SIPA1L2: variants seen among roughly 807,000 people sequenced by gnomAD.
SIPA1L2 encodes the protein signal-induced proliferation-associated 1-like protein 2.
SIPA1L2 carries 56 observed loss-of-function variants against 163.9 expected under a neutral mutation model. The ratio of observed to expected loss-of-function variants is 0.34; its 90% CI spans 0.28 to 0.43. The LOEUF is 0.43. SIPA1L2 is among the 20% of genes least tolerant of loss of function. SIPA1L2 has a pLI of 1.00. For synonymous variants in SIPA1L2, 877 were observed against 865.7 expected (o/e 1.01, Z -0.23); for missense variants, 1,974 against 2,193.5 (o/e 0.90, Z 2.00).
chr1:232,487,919 TACACACAC>T lies in SIPA1L2; in HGVS notation c.1806+2947_1806+2954del, dbSNP rs5781699. ...AAACTAACAATATATGTAATTAGGT[TACACACAC>T]ACACACACACACACACACACACACA... On this transcript the variant is annotated intron_variant, in intron 5 of 22. Transcript: ENST00000674635. Among the ~76,000 whole-genome samples the T allele has an allele frequency of 0.043, 6,132 of 144,270 alleles. 849 individuals carry two copies. In the East Asian group the frequency reaches 0.55, roughly 13 times the overall value. The allele number at this position is 144,270 out of a possible 152,430, so 94.6% of individuals were successfully genotyped here.
At position 232,408,529 on chromosome 1, in the gene SIPA1L2, G is replaced by A. The variant is rs548261922; in HGVS notation, c.4763-4351C>T. ...CTTTATAATCTTTATAATGATACCA[G>A]CTGTGAGTATTCTTCATAGCTTCCT... On this transcript the variant is annotated intron_variant, in intron 19 of 22. Transcript: ENST00000674635. Among the ~76,000 whole-genome samples the A allele has an allele frequency of 9.2e-5, 14 of 152,224 alleles. 1 individual carries two copies. The East Asian group carries it at 2.7e-3, about 29-fold the overall frequency.
chr1:232,547,326 T>C (rs1179929649), intron 2 of SIPA1L2, among the ~76,000 whole-genome samples: 1 of 151,798 alleles, frequency 6.6e-6, no homozygotes, highest in Non-Finnish European at 1.5e-5. Context: ...CCCCAAATCA[T>C]GTCTGAGTGA....
chr1:232,577,680 G>C (rs993226519), intron 1 of SIPA1L2, among the ~76,000 whole-genome samples: 2 of 152,182 alleles, frequency 1.3e-5, no homozygotes, highest in East Asian at 1.9e-4. Context: ...CTTTGGGGTG[G>C]GGGCTTAACA....
chr1:232,429,744 A>C (rs1558169094), intron 16 of SIPA1L2, among the ~76,000 whole-genome samples: 1 of 152,238 alleles, frequency 6.6e-6, no homozygotes, highest in Non-Finnish European at 1.5e-5. Flanking sequence ...CACAAAAGCC[A>C]CATAAGGAAA....
At chr1:232,413,561 A>AT (rs1300673335) in intron 19 of SIPA1L2, among the ~76,000 whole-genome samples, 3 of 152,216 alleles carry the variant, frequency 2.0e-5, no homozygotes, top group Non-Finnish European at 4.4e-5. Context: ...GCAAAAGGAT[A>AT]TAAGAGGTTG....
At chr1:232,626,230 C>CT (rs56703620) in intron 1 of SIPA1L2, among the ~76,000 whole-genome samples, 29,128 of 133,672 alleles carry the variant, frequency 0.22, 3,441 homozygotes, top group South Asian at 0.32. Flanking sequence ...CTAATATTTG[C>CT]TTTTTTTTTT....
intron 3 of SIPA1L2, among the ~76,000 whole-genome samples, chr1:232,503,851 G>A (rs979103213): frequency 6.6e-6 from 1 of 151,302 alleles, no homozygotes; most frequent in East Asian, 1.9e-4. Context: ...CCCTTTTTTC[G>A]AACACTCTAG....
chr1:232,597,558 C>T (rs894663645), intron 1 of SIPA1L2, among the ~76,000 whole-genome samples: 7 of 150,526 alleles, frequency 4.7e-5, no homozygotes, highest in African/African-American at 9.8e-5. Flanking sequence ...GGCGTGATGG[C>T]GGGCGTCTGT....
intron 6 of SIPA1L2, among the ~76,000 whole-genome samples, chr1:232,480,724 T>C (rs1665304334): frequency 6.6e-6 from 1 of 152,100 alleles, no homozygotes; most frequent in South Asian, 2.1e-4. Context: ...TTTCTCTACT[T>C]TTTAAGCAAC....
At chr1:232,528,245 CT>C (rs1667815552) in intron 2 of SIPA1L2, among the ~76,000 whole-genome samples, 1 of 151,732 alleles carries the variant, frequency 6.6e-6, no homozygotes, top group Non-Finnish European at 1.5e-5. Context: ...CATAAAAAAT[CT>C]CCGAAGAGAC....
chr1:232,494,511 G>A (rs991357787), intron 3 of SIPA1L2, among the ~76,000 whole-genome samples: 2 of 152,152 alleles, frequency 1.3e-5, no homozygotes, highest in South Asian at 2.1e-4. Context: ...GAAAATAGCC[G>A]CTACTTATGA....
chr1:232,594,251 C>T (rs11808073), intron 1 of SIPA1L2, among the ~76,000 whole-genome samples: 4,259 of 152,186 alleles, frequency 0.028, 191 homozygotes, highest in African/African-American at 0.096. Flanking sequence ...CAAAGGAGAG[C>T]GTTGCCACCA....
intron 2 of SIPA1L2, among the ~76,000 whole-genome samples, chr1:232,565,016 T>C (rs550855522): frequency 3.3e-5 from 5 of 152,286 alleles, no homozygotes; most frequent in African/African-American, 1.2e-4. Context: ...TGTATACCTA[T>C]GTAATAAACC....
chr1:232,514,178 T>G lies in SIPA1L2; in HGVS notation c.1162A>C (p.Asn388His), dbSNP rs1170616198. The G allele has an allele frequency of 1.2e-6, 2 of 1,614,116 alleles. No individual in the cohort carries two copies. Among genetic ancestry groups the G allele is most frequent in the African/African-American group, 2.7e-5 (2 of 74,952 alleles). The stretch of plus-strand genomic sequence containing the variant: ...TCGGCATCCAGGTTCTCTTTGGAGT[T>G]GAGGTCCTCCTTGCTCCCTAAAGGG... ...ESPLGSKEDL[N>H]SKENLDADEG... Residue 388 changes from asparagine (N) to histidine (H), a missense_variant, in exon 3 of 23, where the codon AAC becomes CAC. By Grantham distance (68) the Asn-to-His change is moderately conservative (BLOSUM62 1). This residue lies in a region of SIPA1L2 where 607 missense variants were observed against 624.0 expected (regional missense o/e 0.97). Transcript: ENST00000674635.
At chr1:232,543,158 T>C (rs550545482) in intron 2 of SIPA1L2, among the ~76,000 whole-genome samples, 21 of 152,356 alleles carry the variant, frequency 1.4e-4, no homozygotes, top group African/African-American at 4.3e-4. Context: ...GTAAATCGAA[T>C]GAAGAGACGC....
chr1:232,603,968 G>T (rs1661751079), intron 1 of SIPA1L2, among the ~76,000 whole-genome samples: 1 of 152,142 alleles, frequency 6.6e-6, no homozygotes, highest in Non-Finnish European at 1.5e-5. Flanking sequence ...CACAGAAGTG[G>T]ACATCATATT....
In SIPA1L2 at chr1:232,436,463, C is replaced by A. The variant is rs572349606; in HGVS notation, c.4031+2645G>T. Reference sequence around the variant, plus strand: ...GTGGGTTTAGGCAGGATGGTCACCCCGGTCAGTTCCTGAAAGTTTATTCTG... The same window carrying A: ...GTGGGTTTAGGCAGGATGGTCACCCAGGTCAGTTCCTGAAAGTTTATTCTG... On this transcript the variant is annotated intron_variant, in intron 15 of 22. Coordinates refer to ENST00000674635, the MANE Select transcript of SIPA1L2 (RefSeq NM_020808.5). Among the ~76,000 whole-genome samples the A allele has an allele frequency of 6.9e-4, 105 of 152,274 alleles. No homozygotes were observed. The Middle Eastern group carries it at 0.014, about 20-fold the overall frequency.
chr1:232,469,831 AACT>A (rs1664709588), intron 8 of SIPA1L2, among the ~76,000 whole-genome samples: 1 of 151,336 alleles, frequency 6.6e-6, no homozygotes, highest in Non-Finnish European at 1.5e-5. Flanking sequence ...TTAATTAAAC[AACT>A]CAGTTTTTTA....
chr1:232,455,714 CAA>C (rs1359853284), intron 10 of SIPA1L2, among the ~76,000 whole-genome samples: 15 of 82,744 alleles, frequency 1.8e-4, no homozygotes, highest in Admixed American at 2.8e-4. Context: ...GACTCTGTCT[CAA>C]AAAAAAAAAA....
Sources: gnomAD v4.1 joint callset for allele counts (sites outside exome capture counted in the v4.1 genomes callset) on GRCh38, gnomAD v4.1.1 for gene constraint, gnomAD v4.1.1 regional missense constraint, MANE v1.5 for transcripts, NCBI Gene and HGNC (gene_info 2026-07-23, HGNC 2026-07-21) for gene names.